Variants in EMCN observed in about 807,000 individuals in gnomAD.
EMCN encodes MUC-14.
EMCN carries 37 observed loss-of-function variants against 38.4 expected under a neutral mutation model. The ratio of observed to expected loss-of-function variants is 0.96; its 90% CI spans 0.74 to 1.27. The LOEUF (loss-of-function observed/expected upper bound fraction) is 1.27. Among genes scored for constraint, EMCN ranks in the 50% most tolerant of loss-of-function variants. EMCN has a pLI of 0.00. For missense variants in EMCN, 318 were observed against 302.8 expected (o/e 1.05, Z -0.37); for synonymous variants, 95 against 100.8 (o/e 0.94, Z 0.35).
intron 5 of EMCN, among the ~76,000 whole-genome samples, chr4:100,446,688 A>C (rs1560618352): frequency 6.6e-6 from 1 of 152,078 alleles, no homozygotes; most frequent in South Asian, 2.1e-4. Context: ...TTTATCACCC[A>C]GGTATTAAGC....
intron 3 of EMCN, among the ~76,000 whole-genome samples, chr4:100,469,013 A>G (rs1233966863): frequency 3.9e-5 from 6 of 152,144 alleles, no homozygotes; most frequent in African/African-American, 1.4e-4. Flanking sequence ...TCCAAACAGT[A>G]TAATACTGGC....
intron 1 of EMCN, among the ~76,000 whole-genome samples, chr4:100,508,239 C>T (rs1729533431): frequency 6.6e-6 from 1 of 152,072 alleles, no homozygotes; most frequent in Non-Finnish European, 1.5e-5. Flanking sequence ...AGCATGTGGC[C>T]CCTGGTAACT....
At chr4:100,450,878 A>G (rs1252826651) in intron 4 of EMCN, among the ~76,000 whole-genome samples, 1 of 151,870 alleles carries the variant, frequency 6.6e-6, no homozygotes, top group Non-Finnish European at 1.5e-5. Flanking sequence ...TGTGTGAGAG[A>G]TTCTATAAGG....
At chr4:100,455,201 T>C (rs969083486) in intron 4 of EMCN, among the ~76,000 whole-genome samples, 2 of 152,142 alleles carry the variant, frequency 1.3e-5, no homozygotes, top group African/African-American at 2.4e-5. Context: ...AGTATAGTTA[T>C]AACCTTTCTC....
intron 5 of EMCN, among the ~76,000 whole-genome samples, chr4:100,431,972 C>CT (rs1727217228): frequency 6.6e-6 from 1 of 152,120 alleles, no homozygotes; most frequent in Non-Finnish European, 1.5e-5. Context: ...GCTGAGATCT[C>CT]TTATCAATGA....
intron 5 of EMCN, among the ~76,000 whole-genome samples, chr4:100,435,349 C>G (rs1223438305): frequency 6.6e-6 from 1 of 152,106 alleles, no homozygotes; most frequent in Non-Finnish European, 1.5e-5. Flanking sequence ...AGGAGAACCA[C>G]AAACCACTGC....
intron 1 of EMCN, among the ~76,000 whole-genome samples, chr4:100,498,091 G>A (rs529151250): frequency 6.6e-6 from 1 of 152,162 alleles, no homozygotes; most frequent in South Asian, 2.1e-4. Context: ...GAGCAAAGTT[G>A]TCAAAGAAGA....
At chr4:100,508,393 C>A (rs1169180576) in intron 1 of EMCN, among the ~76,000 whole-genome samples, 2 of 151,868 alleles carry the variant, frequency 1.3e-5, no homozygotes, top group Non-Finnish European at 2.9e-5. Context: ...GTGAAAGTAC[C>A]CTTTCTTTTA....
chr4:100,408,226 A>G (rs1167570923), intron 11 of EMCN, among the ~76,000 whole-genome samples: 1 of 152,118 alleles, frequency 6.6e-6, no homozygotes, highest in African/African-American at 2.4e-5. Context: ...CTGTAATTTC[A>G]TCCATTTTAT....
At position 100,447,584 on chromosome 4, in the gene EMCN, A is replaced by G; in HGVS notation, c.377-13T>C. ...CTCTGAGTTTCAGCTTTAGAAGGAA[A>G]AAAAGAAAAAAAATCAGTACAATTA... On this transcript the variant is annotated splice_polypyrimidine_tract_variant and intron_variant, in intron 4 of 11. Coordinates refer to ENST00000296420, the MANE Select transcript of EMCN (RefSeq NM_016242.4). The G allele has an allele frequency of 1.3e-6, 2 of 1,550,266 alleles. No homozygotes were observed. The highest frequency in any genetic ancestry group is 1.8e-6 in the Non-Finnish European group (2 of 1,125,696).
chr4:100,479,477 A>G (rs567852224), intron 2 of EMCN, among the ~76,000 whole-genome samples: 1 of 152,272 alleles, frequency 6.6e-6, no homozygotes, highest in East Asian at 1.9e-4. Context: ...AACAATAATG[A>G]TTACATTGCT....
intron 11 of EMCN, among the ~76,000 whole-genome samples, chr4:100,404,409 C>G (rs1193761376): frequency 6.6e-6 from 1 of 152,030 alleles, no homozygotes; most frequent in Non-Finnish European, 1.5e-5. Flanking sequence ...TTTCATTGAT[C>G]TATTTGTCTG....
In EMCN at chr4:100,415,908, A is replaced by T. The variant is rs1301074181; in HGVS notation, c.741T>A (p.Ser247=). ...TGTCTGGAAACTTACCAGACTCATG[A>T]GAAATTGTCTTAACGGTAAGAAGCT... is the stretch of plus-strand genomic sequence containing the variant. ...SVKLLTVKTI[S]HESGEHSAQG... is the part of the protein sequence containing the mutation. Residue 247 remains serine, a synonymous_variant, in exon 10 of 12, where the codon TCT becomes TCA. Coordinates refer to ENST00000296420, the MANE Select transcript of EMCN (RefSeq NM_016242.4). 5 of 1,585,722 alleles carry T rather than the reference A, an allele frequency of 3.2e-6. No homozygotes were observed. In the African/African-American group the frequency reaches 6.9e-5, roughly 22 times the overall value.
chr4:100,476,552 T>A (rs1024605054), intron 2 of EMCN, among the ~76,000 whole-genome samples: 1 of 152,212 alleles, frequency 6.6e-6, no homozygotes, highest in South Asian at 2.1e-4. Flanking sequence ...AAAGATATTA[T>A]ATTATTTTGA....
chr4:100,473,382 TTTTG>T lies in EMCN; in HGVS notation c.259+1652_259+1655del, dbSNP rs1341243067. Among the ~76,000 whole-genome samples the T allele has an allele frequency of 7.3e-3, 871 of 119,706 alleles. 18 individuals carry two copies. Among genetic ancestry groups the T allele is most frequent in the Non-Finnish European group, 0.012 (720 of 58,706 alleles). The allele number at this position is 119,706 out of a possible 152,430, so 78.5% of individuals were successfully genotyped here. ...CGTTTCGTGTTTTTTTGTTTTTTTT[TTTTG>T]TTTTTTTTTTTGCTAATGACATCAC... On this transcript the variant is annotated intron_variant, in intron 3 of 11. Transcript: ENST00000296420.
rs146688262 is a variant in EMCN at position 100,454,610 on chromosome 4, A to T, written c.377-7039T>A. On this transcript the variant is annotated intron_variant, in intron 4 of 11. Coordinates refer to ENST00000296420, the MANE Select transcript of EMCN (RefSeq NM_016242.4). Reference sequence around the variant, plus strand: ...AAGACACTGTGAGATTTCTACTCTAAGTAATCTAAACACAAAAGTCACTAT... The same window carrying T: ...AAGACACTGTGAGATTTCTACTCTATGTAATCTAAACACAAAAGTCACTAT... Among the ~76,000 whole-genome samples, 22 of 152,328 alleles carry T rather than the reference A, an allele frequency of 1.4e-4. No individual in the cohort carries two copies. The East Asian group carries it at 1.7e-3, about 12-fold the overall frequency.
intron 4 of EMCN, among the ~76,000 whole-genome samples, chr4:100,459,617 ACT>A (rs1728120048): frequency 6.6e-6 from 1 of 151,800 alleles, no homozygotes. Context: ...CTACCATTCT[ACT>A]CTCTATCTCT....
chr4:100,431,827 C>T (rs1319252744), intron 5 of EMCN, among the ~76,000 whole-genome samples: 2 of 152,012 alleles, frequency 1.3e-5, no homozygotes, highest in Admixed American at 6.6e-5. Context: ...GTCTCTCGCT[C>T]TCGCTGTCAA....
At chr4:100,440,643 T>A (rs545619443) in intron 5 of EMCN, among the ~76,000 whole-genome samples, 2 of 152,086 alleles carry the variant, frequency 1.3e-5, no homozygotes, top group Non-Finnish European at 2.9e-5. Context: ...TAAATATATA[T>A]CACACTTTAT....
Sources: gnomAD v4.1 joint callset for allele counts (sites outside exome capture counted in the v4.1 genomes callset) on GRCh38, gnomAD v4.1.1 for gene constraint, MANE v1.5 for transcripts, NCBI Gene and HGNC (gene_info 2026-07-23, HGNC 2026-07-21) for gene names.